USPL1: variants seen among roughly 807,000 people sequenced by gnomAD.
USPL1 encodes ubiquitin specific peptidase like 1, also known as SUMO-specific isopeptidase USPL1.
Under a neutral mutation model 51.5 loss-of-function variants are expected in USPL1, and 27 were observed. That is an observed-to-expected ratio of 0.52 (90% confidence interval 0.39 to 0.72). The LOEUF is 0.72. Ranked by LOEUF, USPL1 falls within the 30% of genes least tolerant of loss-of-function variation. The probability of loss-of-function intolerance (pLI) is 0.00; values close to 1 mark genes in which losing one functional copy is unlikely to be tolerated. For synonymous variants in USPL1, 451 were observed against 459.6 expected (o/e 0.98, Z 0.24); for missense variants, 1,226 against 1,268.0 (o/e 0.97, Z 0.50).
intron 1 of USPL1, among the ~76,000 whole-genome samples, 162 bp from the exon 2 acceptor site, chr13:30,620,911 T>C (rs1420164272): frequency 6.6e-6 from 1 of 152,238 alleles, no homozygotes. Context: ...TTTATAAATA[T>C]AGGTATCATT....
In USPL1 at chr13:30,629,851, G is replaced by A. The variant is rs550788751; in HGVS notation, c.229-984G>A. Among the ~76,000 whole-genome samples, 7 of 152,296 alleles carry A rather than the reference G, an allele frequency of 4.6e-5. No individual in the cohort carries two copies. The East Asian group carries it at 1.3e-3, about 29-fold the overall frequency. On this transcript the variant is annotated intron_variant, in intron 3 of 8. Coordinates refer to ENST00000255304, the MANE Select transcript of USPL1 (RefSeq NM_005800.5). ...GGCCAAGCCAACTCTGTACAGTGTA[G>A]GGACTGGCTGCAGGAGGGCATGAAT...
rs762872314 is a variant in USPL1, at chr13:30,658,396, CTG to C, written c.2323_2324del (p.Val775PhefsTer4). The C allele has an allele frequency of 3.1e-6, 5 of 1,613,658 alleles. No homozygotes were observed. Among genetic ancestry groups the C allele is most frequent in the South Asian group, 1.1e-5 (1 of 91,052 alleles). On this transcript the variant is annotated frameshift_variant, in exon 9 of 9. Coordinates refer to ENST00000255304, the MANE Select transcript of USPL1 (RefSeq NM_005800.5). LOFTEE classifies it low-confidence loss of function (END_TRUNC). ...GCAGGGGTGCTTCTTTTATGCCACT[CTG>C]TGTTTCAGCTCATAATAGAAACACT... is the stretch of plus-strand genomic sequence containing the variant. ...ISRGASFMPL[C>X]VSAHNRNTIT...
At chr13:30,656,458 A>G (rs942521380) in intron 8 of USPL1, among the ~76,000 whole-genome samples, 1 of 152,158 alleles carries the variant, frequency 6.6e-6, no homozygotes, top group Non-Finnish European at 1.5e-5. Flanking sequence ...GGAATCGTAC[A>G]TTATTTGTCC....
At chr13:30,654,655 AGAT>A (rs1951136271) in intron 8 of USPL1, among the ~76,000 whole-genome samples, 1 of 152,208 alleles carries the variant, frequency 6.6e-6, no homozygotes, top group South Asian at 2.1e-4. Context: ...TGCAGGTAGT[AGAT>A]AAGAGTGTAG....
At position 30,646,583 on chromosome 13, in the gene USPL1, G is replaced by A. The variant is rs148825662; in HGVS notation, c.1113-349G>A. 8.5e-5 allele frequency among the ~76,000 whole-genome samples: 13 copies of A among 152,318 alleles called. No homozygotes were observed. The East Asian group carries it at 9.6e-4, about 11-fold the overall frequency. ...CAACATCTACAGACAACTGGATGCCGTTACTGGCATCTGGTGAGGAGAGGC... is the reference window on the plus strand; with the variant it reads ...CAACATCTACAGACAACTGGATGCCATTACTGGCATCTGGTGAGGAGAGGC... On this transcript the variant is annotated intron_variant, in intron 6 of 8. Transcript: ENST00000255304.
At position 30,658,148 on chromosome 13, in the gene USPL1, G is replaced by A. The variant is rs746954390; in HGVS notation, c.2071G>A (p.Val691Met). 2 of 1,613,486 alleles carry A rather than the reference G, an allele frequency of 1.2e-6. No homozygotes were observed. Among genetic ancestry groups the A allele is most frequent in the South Asian group, 2.2e-5 (2 of 90,878 alleles). ...NTDATGLIQG[V>M]KSVEIEKDAQ... ...TGATGCTACTGGTCTTATACAGGGA[G>A]TGAAGTCAGTAGAAATTGAGAAGGA... The change falls in exon 9 of 9, where the codon GTG becomes ATG. Residue 691 changes from valine to methionine, a missense_variant. Physicochemically the swap from Val to Met is conservative, Grantham distance 21 (BLOSUM62 1). Transcript: ENST00000255304.
intron 3 of USPL1, among the ~76,000 whole-genome samples, chr13:30,624,612 A>T (rs957603209): frequency 7.2e-5 from 11 of 151,920 alleles, no homozygotes; most frequent in Admixed American, 5.9e-4. Flanking sequence ...AGAGTGTGAG[A>T]CCCTGTCTCT....
chr13:30,642,873 C>T lies in USPL1; in HGVS notation c.1112+116C>T, dbSNP rs1593380763. The T allele has an allele frequency of 6.4e-6, 8 of 1,255,116 alleles. No homozygotes were observed. In the East Asian group the frequency reaches 1.9e-4, roughly 30 times the overall value. 77.7% of individuals were successfully genotyped at this position (1,255,116 alleles called of 1,614,324 possible). ...GCTTGCTTCTTTAAACTGGAAGGGT[C>T]AAAACCTCATCGTTTGATAGACTGC... On this transcript the variant is annotated intron_variant, in intron 6 of 8. Transcript: ENST00000255304.
intron 8 of USPL1, among the ~76,000 whole-genome samples, chr13:30,654,357 CTCTCTT>C (rs1951131743): frequency 6.6e-6 from 1 of 151,980 alleles, no homozygotes; most frequent in Non-Finnish European, 1.5e-5. Context: ...CTCTCTCTCT[CTCTCTT>C]TCTCTCTCTC....
chr13:30,618,721 A>G (rs1404481990), intron 1 of USPL1, among the ~76,000 whole-genome samples: 1 of 152,196 alleles, frequency 6.6e-6, no homozygotes, highest in Non-Finnish European at 1.5e-5. Flanking sequence ...TCACAGAAGT[A>G]TGAAAAGGGG....
At chr13:30,653,538 G>A (rs1340931347) in intron 8 of USPL1, among the ~76,000 whole-genome samples, 2 of 151,888 alleles carry the variant, frequency 1.3e-5, no homozygotes, top group East Asian at 1.9e-4. Context: ...AAACACATGC[G>A]CATGTGTGTA....
At chr13:30,624,463 T>A (rs999134981) in intron 3 of USPL1, among the ~76,000 whole-genome samples, 24 of 151,212 alleles carry the variant, frequency 1.6e-4, no homozygotes, top group African/African-American at 5.3e-4. Flanking sequence ...AAAAAAAAAA[T>A]TTAAATTAGC....
Position 30,647,069 on chromosome 13 carries a change from T to G in USPL1, c.1238+12T>G. Reference sequence around the variant, plus strand: ...ATGGTATTAGAAAAGTGAGTTAAAATTGTCTTATAATTTTTAGTACAAAAT... The same window carrying G: ...ATGGTATTAGAAAAGTGAGTTAAAAGTGTCTTATAATTTTTAGTACAAAAT... On this transcript the variant is annotated intron_variant, in intron 7 of 8. Transcript: ENST00000255304. 3.1e-6 allele frequency: 5 copies of G among 1,601,998 alleles called. No homozygotes were observed. The highest frequency in any genetic ancestry group is 4.3e-6 in the Non-Finnish European group (5 of 1,170,000).
chr13:30,657,469 TC>T lies in USPL1; in HGVS notation c.1397-3del. The T allele has an allele frequency of 6.4e-7, 1 of 1,570,656 alleles. No homozygotes were observed. The highest frequency in any genetic ancestry group is 8.6e-7 in the Non-Finnish European group (1 of 1,162,854). ...TCTAACTTTCACTTCTTTCCCATCT[TC>T]CAGGAAGTTGGCTGGAATGTGATGA... is the stretch of plus-strand genomic sequence containing the variant. On this transcript the variant is annotated splice_region_variant and splice_polypyrimidine_tract_variant and intron_variant, in intron 8 of 8. Coordinates refer to ENST00000255304, the MANE Select transcript of USPL1 (RefSeq NM_005800.5).
Position 30,653,152 on chromosome 13 carries a change from T to G in USPL1, c.1243T>G (p.Ser415Ala). 1 of 1,582,148 alleles carries G rather than the reference T, an allele frequency of 6.3e-7. No homozygotes were observed. The highest frequency in any genetic ancestry group is 8.6e-7 in the Non-Finnish European group (1 of 1,160,666). ...TCTTGCTTTTCTCTCCCACAGAGTA[T>G]CTCCCATATTCATGTTGCACTTTGT... is the stretch of plus-strand genomic sequence containing the variant. ...QIRKMVLEKV[S>A]PIFMLHFVEG... Residue 415 changes from serine to alanine, a missense_variant, in exon 8 of 9, where the codon TCT (serine) becomes GCT (alanine). By Grantham distance (99) the Ser-to-Ala change is moderately conservative. Transcript: ENST00000255304.
chr13:30,628,928 A>G (rs1326687263), intron 3 of USPL1, among the ~76,000 whole-genome samples: 6 of 152,146 alleles, frequency 3.9e-5, no homozygotes, highest in African/African-American at 7.2e-5. Flanking sequence ...CTTTAAATAC[A>G]TATATGCTAT....
At chr13:30,619,198 T>C (rs549644863) in intron 1 of USPL1, among the ~76,000 whole-genome samples, 7 of 152,204 alleles carry the variant, frequency 4.6e-5, no homozygotes, top group Non-Finnish European at 1.0e-4. Flanking sequence ...CCCGGGATTT[T>C]GTATGTAAGT....
rs911792816 is a variant in USPL1, at chr13:30,660,151, C to T, written c.*795C>T. On this transcript the variant is annotated 3_prime_UTR_variant, in exon 9 of 9. Coordinates refer to ENST00000255304, the MANE Select transcript of USPL1 (RefSeq NM_005800.5). ...CTGTTGCTGGTCGTCCCACCCTCTG[C>T]TCAGTTCTGGCTGAGCCTGGGGCAT... The T allele has an allele frequency of 6.6e-6, 1 of 152,348 alleles. No homozygotes were observed. 9.4% of individuals were successfully genotyped at this position (152,348 alleles called of 1,614,324 possible). A position where few individuals can be genotyped will look rare whatever the true frequency, so the allele number is the denominator to read the frequency against.
chr13:30,653,456 C>T (rs983345512), intron 8 of USPL1, 151 bp downstream of exon 8: 12 of 742,258 alleles, frequency 1.6e-5, no homozygotes, highest in South Asian at 6.4e-5. Flanking sequence ...TGCCCCTCCT[C>T]GCATCTATTA....
Sources: allele counts gnomAD v4.1 joint callset (sites outside exome capture counted in the v4.1 genomes callset), GRCh38; gene constraint gnomAD v4.1.1; transcripts MANE v1.5; gene names NCBI Gene and HGNC (gene_info 2026-07-23, HGNC 2026-07-21).